The following RTL4 variants were observed in gnomAD, a reference collection of about 807,000 sequenced individuals.
RTL4 encodes the protein retrotransposon Gag like 4.
RTL4 carries 4 observed loss-of-function variants against 5.3 expected under a neutral mutation model. The observed-to-expected ratio is 0.75, with a 90% CI of 0.37 to 1.72. The LOEUF (loss-of-function observed/expected upper bound fraction) is 1.72, where lower values mean the gene tolerates loss of function less well. Ranked by LOEUF, RTL4 falls within the 40% of genes most tolerant of loss-of-function variation. The pLI is 0.04. For missense variants in RTL4, 260 were observed against 227.1 expected (o/e 1.14, Z -0.93); for synonymous variants, 98 against 87.3 (o/e 1.12, Z -0.68).
chrX:112,392,645 A>G, the RTL4 span, among the ~76,000 whole-genome samples: 41 of 111,224 alleles, frequency 3.7e-4, no homozygotes, highest in African/African-American at 1.2e-3. Flanking sequence ...CACCTCGAAC[A>G]CTTCAAAGCC....
chrX:112,277,568 G>T, the RTL4 span, among the ~76,000 whole-genome samples: 1 of 111,665 alleles, frequency 9.0e-6, no homozygotes, highest in African/African-American at 3.3e-5. Flanking sequence ...AACCTGGTTC[G>T]CCATGCAGAA....
At chrX:112,401,699 G>A in the RTL4 span, among the ~76,000 whole-genome samples, 1 of 110,900 alleles carries the variant, frequency 9.0e-6, no homozygotes, top group Non-Finnish European at 1.9e-5. Context: ...CCCACTTCCT[G>A]TCTCTGAAAA....
At chrX:112,220,583 A>C in the RTL4 span, among the ~76,000 whole-genome samples, 1 of 112,930 alleles carries the variant, frequency 8.9e-6, no homozygotes, top group Non-Finnish European at 1.9e-5. Context: ...ATTTCTTTCC[A>C]GAAAATGGGT....
the RTL4 span, among the ~76,000 whole-genome samples, chrX:112,303,155 C>T: frequency 1.8e-5 from 2 of 111,977 alleles, no homozygotes; most frequent in South Asian, 7.5e-4. Context: ...GAATCTCTAA[C>T]ACATTATTTC....
chrX:112,257,685 T>C, the RTL4 span, among the ~76,000 whole-genome samples: 1 of 109,862 alleles, frequency 9.1e-6, no homozygotes, highest in Admixed American at 9.9e-5. Flanking sequence ...AAAGCTTCTC[T>C]GAGCTAATTA....
the RTL4 span, among the ~76,000 whole-genome samples, chrX:112,417,297 T>C: frequency 1.8e-5 from 2 of 111,862 alleles, no homozygotes; most frequent in Non-Finnish European, 3.8e-5. Context: ...TGTTCTTATA[T>C]TGTGGCAAAA....
chrX:112,295,122 G>A, the RTL4 span, among the ~76,000 whole-genome samples: 1 of 112,312 alleles, frequency 8.9e-6, no homozygotes, highest in Non-Finnish European at 1.9e-5. Context: ...GCTTTTTGGA[G>A]GCAACACAGC....
chrX:112,243,418 G>A, the RTL4 span, among the ~76,000 whole-genome samples: 7 of 111,315 alleles, frequency 6.3e-5, no homozygotes, highest in Non-Finnish European at 9.4e-5. Context: ...TCCTGGTTTA[G>A]CCTTGGGAGG....
chrX:112,393,510 T>G, the RTL4 span, among the ~76,000 whole-genome samples: 1 of 111,533 alleles, frequency 9.0e-6, no homozygotes, highest in African/African-American at 3.3e-5. Flanking sequence ...TCAATAGGGG[T>G]GGCTGGAGAT....
At chrX:112,352,776 G>T in the RTL4 span, among the ~76,000 whole-genome samples, 1 of 111,547 alleles carries the variant, frequency 9.0e-6, no homozygotes, top group Non-Finnish European at 1.9e-5. Context: ...CATGGGCAAG[G>T]ACTTCATGAC....
chrX:112,315,205 G>T, the RTL4 span, among the ~76,000 whole-genome samples: 1 of 111,524 alleles, frequency 9.0e-6, no homozygotes, highest in Non-Finnish European at 1.9e-5. Flanking sequence ...GTGACAAAGA[G>T]TTGAAATAAA....
chrX:112,313,338 A>G, the RTL4 span, among the ~76,000 whole-genome samples: 7 of 111,346 alleles, frequency 6.3e-5, no homozygotes, highest in African/African-American at 2.3e-4. Context: ...TGTGGTAGTT[A>G]GGGGAGATAA....
chrX:112,114,203 C>T, the RTL4 span, among the ~76,000 whole-genome samples: 1 of 111,257 alleles, frequency 9.0e-6, no homozygotes, highest in Non-Finnish European at 1.9e-5. Flanking sequence ...GGGCTTTTTC[C>T]TAATTCTCCT....
chrX:112,261,639 T>G, the RTL4 span, among the ~76,000 whole-genome samples: 1 of 111,628 alleles, frequency 9.0e-6, no homozygotes. Flanking sequence ...ATAGATTCAG[T>G]GCCATCCCCA....
At chrX:112,167,727 G>A in the RTL4 span, among the ~76,000 whole-genome samples, 1 of 106,330 alleles carries the variant, frequency 9.4e-6, no homozygotes, top group African/African-American at 3.4e-5. Context: ...CTGTGTAAAT[G>A]AGATATTGAA....
the RTL4 span, among the ~76,000 whole-genome samples, chrX:112,401,954 C>T: frequency 9.8e-5 from 11 of 111,941 alleles, no homozygotes; most frequent in South Asian, 3.7e-4. Flanking sequence ...TACTCACCTA[C>T]GTGAATATTC....
the RTL4 span, among the ~76,000 whole-genome samples, chrX:112,213,102 C>T: frequency 1.8e-5 from 2 of 112,458 alleles, no homozygotes; most frequent in Non-Finnish European, 3.8e-5. Context: ...GAGGAATAGC[C>T]AGTAAAATAC....
chrX:112,369,627 C>A, the RTL4 span, among the ~76,000 whole-genome samples: 20 of 112,162 alleles, frequency 1.8e-4, no homozygotes, highest in South Asian at 7.0e-3. Flanking sequence ...AAAAAGAAGA[C>A]AAATCTACTT....
At chrX:112,380,527 T>C in the RTL4 span, among the ~76,000 whole-genome samples, 6 of 112,153 alleles carry the variant, frequency 5.3e-5, no homozygotes, top group Admixed American at 1.9e-4. Flanking sequence ...TGTTTACCCA[T>C]GCAGCCACTG....
Sources: gnomAD v4.1 joint callset for allele counts (sites outside exome capture counted in the v4.1 genomes callset) on GRCh38, gnomAD v4.1.1 for gene constraint, MANE v1.5 for transcripts, NCBI Gene and HGNC (gene_info 2026-07-23, HGNC 2026-07-21) for gene names.